The following PCGF2 variants were observed in gnomAD, a reference collection of about 807,000 sequenced individuals.
PCGF2 encodes the protein polycomb group ring finger 2.
PCGF2 carries 8 observed loss-of-function variants against 36.1 expected under a neutral mutation model. The ratio of observed to expected loss-of-function variants is 0.22; its 90% CI spans 0.13 to 0.40. The LOEUF (loss-of-function observed/expected upper bound fraction) is 0.40. PCGF2 is among the 10% of genes least tolerant of loss of function. PCGF2 has a pLI of 1.00. For synonymous variants in PCGF2, 198 were observed against 191.2 expected (o/e 1.04, Z -0.29); for missense variants, 436 against 475.9 (o/e 0.92, Z 0.78).
Position 38,736,650 on chromosome 17 carries a change from T to TAAC in PCGF2, c.577-481_577-480insGTT, listed in dbSNP as rs1567939293. ...GAGATCGAGACCATCCTGGCTAACG[T>TAAC]GGTGAAACCCCGTCTCTACTAAAAA... On this transcript the variant is annotated intron_variant, in intron 9 of 10. Coordinates refer to ENST00000620225, the MANE Select transcript of PCGF2 (RefSeq NM_007144.3). Among the ~76,000 whole-genome samples the TAAC allele has an allele frequency of 3.4e-4, 51 of 151,542 alleles. No individual in the cohort carries two copies. In the South Asian group the frequency reaches 4.4e-3, roughly 13 times the overall value.
Position 38,738,744 on chromosome 17 carries a change from C to T in PCGF2, c.425+9G>A, listed in dbSNP as rs778366520. 2.5e-6 allele frequency: 4 copies of T among 1,609,614 alleles called. No individual in the cohort carries two copies. The South Asian group carries it at 4.4e-5, about 18-fold the overall frequency. On this transcript the variant is annotated intron_variant, in intron 7 of 10. Transcript: ENST00000620225. ...GAACCCAGAAGGGGCCAGCCTGGGCCAGACTTGCCTGGCACCTTCGTAGAA... is the reference window on the plus strand; with the variant it reads ...GAACCCAGAAGGGGCCAGCCTGGGCTAGACTTGCCTGGCACCTTCGTAGAA...
chr17:38,742,229 G>T (rs764050383), intron 2 of PCGF2, among the ~76,000 whole-genome samples: 2 of 152,196 alleles, frequency 1.3e-5, no homozygotes, highest in African/African-American at 2.4e-5. Context: ...TAAAAGCCCA[G>T]GGGTGGGGCT....
chr17:38,749,612 G>A (rs1454627774), upstream of PCGF2: 10 of 455,686 alleles, frequency 2.2e-5, no homozygotes, highest in East Asian at 1.4e-4. This position sits in a 1 kb window ranked among gnomAD's most constrained non-coding sequence, Gnocchi z 6.5. Flanking sequence ...GCCATTAAGC[G>A]CACTGACGGT....
At position 38,736,128 on chromosome 17, in the gene PCGF2, T is replaced by C. The variant is rs1260959083; in HGVS notation, c.619A>G (p.Thr207Ala). Residue 207 changes from threonine to alanine, a missense_variant, in exon 10 of 11, where the codon ACC (threonine) becomes GCC (alanine). Thr to Ala is a moderately conservative substitution (Grantham distance 58, BLOSUM62 0). This residue lies in a region of PCGF2 where 227 missense variants were observed against 212.9 expected (regional missense o/e 1.07). Transcript: ENST00000620225. ...TAGATGTAGGCGATGTCCATGAGGG[T>C]GTAGTATTCCTTCAGTGGCTCGTCC... The part of the protein sequence containing the change: ...YEDEPLKEYY[T>A]LMDIAYIYPW... 1.3e-6 allele frequency: 2 copies of C among 1,587,062 alleles called. No homozygotes were observed. The highest frequency in any genetic ancestry group is 1.7e-6 in the Non-Finnish European group (2 of 1,166,432).
At chr17:38,749,488 C>T, upstream of PCGF2, 1 of 394,710 alleles carries the variant, frequency 2.5e-6, no homozygotes, top group Non-Finnish European at 5.3e-6. The surrounding 1 kb of genome is among the most constrained non-coding windows in gnomAD (Gnocchi z 6.5). Flanking sequence ...CGTTACTGGA[C>T]GCCCGTGGGC....
rs764363872 is a variant in PCGF2, at chr17:38,739,622, A to C, written c.173T>G (p.Val58Gly). The C allele has an allele frequency of 1.2e-6, 2 of 1,614,086 alleles. No homozygotes were observed. Among genetic ancestry groups the C allele is most frequent in the Non-Finnish European group, 1.7e-6 (2 of 1,179,974 alleles). ...CAGCGGCCGGGTTTTATGGACCTGCACGTCACACATGGGGCAGTATTTGTT... is the reference window on the plus strand; with the variant it reads ...CAGCGGCCGGGTTTTATGGACCTGCCCGTCACACATGGGGCAGTATTTGTT... Reference protein sequence around the residue: ...ETNKYCPMCDVQVHKTRPLLS... With the variant: ...ETNKYCPMCDGQVHKTRPLLS... The change falls in exon 4 of 11, where the codon GTG becomes GGG. Residue 58 changes from valine to glycine, a missense_variant. By Grantham distance (109) the Val-to-Gly change is moderately radical (BLOSUM62 -3). Transcript: ENST00000620225. This position sits in a 1 kb window ranked among gnomAD's most constrained non-coding sequence, Gnocchi z 4.0.
rs1907109623 is a variant in PCGF2 at position 38,740,409 on chromosome 17, G to A, written c.-7C>T. 7 of 1,213,658 alleles carry A rather than the reference G, an allele frequency of 5.8e-6. No individual in the cohort carries two copies. The highest frequency in any genetic ancestry group is 2.5e-5 in the East Asian group (1 of 40,688). The allele number at this position is 1,213,658 out of a possible 1,614,324, so 75.2% of individuals were successfully genotyped here. A position where few individuals can be genotyped will look rare whatever the true frequency, so the allele number is the denominator to read the frequency against. Reference sequence around the variant, plus strand: ...TCCGTGTAGTCCGATGCATGATTCCGGGGTCGGGGGTGGGGGGACTGGGGA... The same window carrying A: ...TCCGTGTAGTCCGATGCATGATTCCAGGGTCGGGGGTGGGGGGACTGGGGA... On this transcript the variant is annotated 5_prime_UTR_variant, in exon 3 of 11. Transcript: ENST00000620225.
At chr17:38,745,313 C>G (rs766589161) in intron 2 of PCGF2, among the ~76,000 whole-genome samples, 2 of 152,142 alleles carry the variant, frequency 1.3e-5, no homozygotes, top group African/African-American at 4.8e-5. Context: ...GCCTGGGCAA[C>G]AGAGCGAGAC....
upstream of PCGF2, chr17:38,749,527 G>T (rs1376544281): frequency 2.3e-6 from 1 of 431,788 alleles, no homozygotes; most frequent in Non-Finnish European, 4.8e-6. This position sits in a 1 kb window ranked among gnomAD's most constrained non-coding sequence, Gnocchi z 6.5. Context: ...TCCCTCATTC[G>T]TTATTCACGA....
At chr17:38,745,705 C>T (rs1276219012) in intron 2 of PCGF2, among the ~76,000 whole-genome samples, 1 of 152,182 alleles carries the variant, frequency 6.6e-6, no homozygotes, top group Non-Finnish European at 1.5e-5. Flanking sequence ...GCAGTAATGC[C>T]CGGCTTCATC....
chr17:38,735,207 G>C lies in PCGF2; in HGVS notation c.*16C>G. The C allele has an allele frequency of 5.7e-6, 8 of 1,393,856 alleles. No individual in the cohort carries two copies. The highest frequency in any genetic ancestry group is 7.5e-6 in the Non-Finnish European group (8 of 1,063,818). The allele number at this position is 1,393,856 out of a possible 1,614,324, so 86.3% of individuals were successfully genotyped here. A position where few individuals can be genotyped will look rare whatever the true frequency, so the allele number is the denominator to read the frequency against. ...GTGGAGAGGCTTGGCTGGAAGAAGG[G>C]AGAGGGTCCCTGGCCTCAAGTTAAG... On this transcript the variant is annotated 3_prime_UTR_variant, in exon 11 of 11. Coordinates refer to ENST00000620225, the MANE Select transcript of PCGF2 (RefSeq NM_007144.3).
At chr17:38,736,939 C>A (rs1906806744) in intron 9 of PCGF2, among the ~76,000 whole-genome samples, 1 of 149,908 alleles carries the variant, frequency 6.7e-6, no homozygotes, top group South Asian at 2.1e-4. Flanking sequence ...TCAAGACCAG[C>A]CAAACCAACA....
rs1386719525 is a variant in PCGF2, at chr17:38,734,482, ATCT to A, written c.*738_*740del. 3 of 151,798 alleles carry A rather than the reference ATCT, an allele frequency of 2.0e-5. No individual in the cohort carries two copies. Among genetic ancestry groups the A allele is most frequent in the African/African-American group, 4.9e-5 (2 of 41,230 alleles). 9.4% of individuals were successfully genotyped at this position (151,798 alleles called of 1,614,324 possible). A position where few individuals can be genotyped will look rare whatever the true frequency, so the allele number is the denominator to read the frequency against. On this transcript the variant is annotated 3_prime_UTR_variant, in exon 11 of 11. Coordinates refer to ENST00000620225, the MANE Select transcript of PCGF2 (RefSeq NM_007144.3). Reference sequence around the variant, plus strand: ...AGAGCTGAGACCTCTCAGGGCCTGAATCTTCTTTTCCACAAGATAAATGATGCA... The same window carrying A: ...AGAGCTGAGACCTCTCAGGGCCTGAATCTTTTCCACAAGATAAATGATGCA...
At chr17:38,737,074 G>A (rs1906818157) in intron 9 of PCGF2, among the ~76,000 whole-genome samples, 1 of 152,122 alleles carries the variant, frequency 6.6e-6, no homozygotes, top group African/African-American at 2.4e-5. Flanking sequence ...AGCAGAGGTT[G>A]CGGTGAGCCA....
In PCGF2 at chr17:38,735,039, T is replaced by C. The variant is rs756894383; in HGVS notation, c.*184A>G. On this transcript the variant is annotated 3_prime_UTR_variant, in exon 11 of 11. Coordinates refer to ENST00000620225, the MANE Select transcript of PCGF2 (RefSeq NM_007144.3). Reference sequence around the variant, plus strand: ...CATTTAAATTAATCTGGTTGGTCCATAGAAAATAAGTATGTATATTTGGTT... The same window carrying C: ...CATTTAAATTAATCTGGTTGGTCCACAGAAAATAAGTATGTATATTTGGTT... 24 of 414,442 alleles carry C rather than the reference T, an allele frequency of 5.8e-5. No homozygotes were observed. In the Middle Eastern group the frequency reaches 3.1e-3, roughly 54 times the overall value. 25.7% of individuals were successfully genotyped at this position (414,442 alleles called of 1,614,324 possible).
chr17:38,738,646 A>G, intron 7 of PCGF2, 51 bp from the exon 8 acceptor site: 1 of 1,553,838 alleles, frequency 6.4e-7, no homozygotes, highest in South Asian at 1.2e-5. Flanking sequence ...GAACCAGGAG[A>G]CCCAGGAGGA....
rs1906529951 is a variant in PCGF2, at chr17:38,734,643, A to G, written c.*580T>C. On this transcript the variant is annotated 3_prime_UTR_variant, in exon 11 of 11. Transcript: ENST00000620225. ...CACTTGCTCCTCAGAACCAGGGATA[A>G]ACTGCATTTGTAAAAGGCACTGTTC... 1 of 152,654 alleles carries G rather than the reference A, an allele frequency of 6.6e-6. No individual in the cohort carries two copies. Among genetic ancestry groups the G allele is most frequent in the Non-Finnish European group, 1.5e-5 (1 of 68,070 alleles). The allele number at this position is 152,654 out of a possible 1,614,324, so 9.5% of individuals were successfully genotyped here.
Position 38,740,164 on chromosome 17 carries a change from C to T in PCGF2, c.112+127G>A, listed in dbSNP as rs1460949143. 3 of 782,288 alleles carry T rather than the reference C, an allele frequency of 3.8e-6. No individual in the cohort carries two copies. The African/African-American group carries it at 5.2e-5, about 13-fold the overall frequency. The allele number at this position is 782,288 out of a possible 1,614,324, so 48.5% of individuals were successfully genotyped here. A position where few individuals can be genotyped will look rare whatever the true frequency, so the allele number is the denominator to read the frequency against. Reference sequence around the variant, plus strand: ...AGGCCCTCTGTGACCTAAGGATTCCCAGCAGACACGTGGGCGCGTTGGCTC... The same window carrying T: ...AGGCCCTCTGTGACCTAAGGATTCCTAGCAGACACGTGGGCGCGTTGGCTC... On this transcript the variant is annotated intron_variant, in intron 3 of 10. Coordinates refer to ENST00000620225, the MANE Select transcript of PCGF2 (RefSeq NM_007144.3).
chr17:38,736,185 C>G lies in PCGF2; in HGVS notation c.577-15G>C. The G allele has an allele frequency of 6.5e-7, 1 of 1,544,506 alleles. No homozygotes were observed. The highest frequency in any genetic ancestry group is 8.8e-7 in the Non-Finnish European group (1 of 1,136,982). ...AGAACCTCCACCTGGGGGAGGGAAG[C>G]GGAGGACACCATGACCCTGGCCAGC... On this transcript the variant is annotated splice_polypyrimidine_tract_variant and intron_variant, in intron 9 of 10. Coordinates refer to ENST00000620225, the MANE Select transcript of PCGF2 (RefSeq NM_007144.3).
Sources: gnomAD v4.1 joint callset for allele counts (sites outside exome capture counted in the v4.1 genomes callset) on GRCh38, gnomAD v4.1.1 for gene constraint, gnomAD v4.1.1 regional missense constraint, Gnocchi (gnomAD v3.1) non-coding constraint, MANE v1.5 for transcripts, NCBI Gene and HGNC (gene_info 2026-07-23, HGNC 2026-07-21) for gene names.